MAP2K2: variants seen among roughly 807,000 people sequenced by gnomAD.
The protein encoded by MAP2K2 is mitogen-activated protein kinase kinase 2, also known as dual specificity mitogen-activated protein kinase kinase 2.
Under a neutral mutation model 43.7 loss-of-function variants are expected in MAP2K2, and 24 were observed. That is an observed-to-expected ratio of 0.55 (90% confidence interval 0.40 to 0.77). The LOEUF is 0.77. Among genes scored for constraint, MAP2K2 ranks in the 30% least tolerant of loss-of-function variants. The pLI, the probability that MAP2K2 is intolerant of heterozygous loss-of-function variation, is 0.00. For missense variants in MAP2K2, 470 were observed against 566.8 expected (o/e 0.83, Z 1.73); for synonymous variants, 244 against 239.7 (o/e 1.02, Z -0.17).
rs921053643 is a variant in MAP2K2 at position 4,115,721 on chromosome 19, G to A, written c.303+1698C>T. Among the ~76,000 whole-genome samples, 1 of 152,200 alleles carries A rather than the reference G, an allele frequency of 6.6e-6. No homozygotes were observed. The highest frequency in any genetic ancestry group is 1.9e-4 in the East Asian group (1 of 5,194). ...AGCCGCTGCTCCCGAGGAAGGCAGG[G>A]CCCTCAAGCACTGCTGCCACCTGCG... On this transcript the variant is annotated intron_variant, in intron 2 of 10. Coordinates refer to ENST00000262948, the MANE Select transcript of MAP2K2 (RefSeq NM_030662.4). The surrounding 1 kb of genome is among the most constrained non-coding windows in gnomAD (Gnocchi z 4.1).
chr19:4,105,798 C>G (rs2041078833), intron 3 of MAP2K2, among the ~76,000 whole-genome samples: 1 of 152,072 alleles, frequency 6.6e-6, no homozygotes, highest in Admixed American at 6.6e-5. Flanking sequence ...CTCAGCTTCC[C>G]AAGTAGCTGG....
At chr19:4,109,791 T>A (rs2041131572) in intron 3 of MAP2K2, among the ~76,000 whole-genome samples, 1 of 152,192 alleles carries the variant, frequency 6.6e-6, no homozygotes, top group South Asian at 2.1e-4. Flanking sequence ...GGGATCAGTT[T>A]TTAATTGCAT....
intron 3 of MAP2K2, among the ~76,000 whole-genome samples, chr19:4,103,713 G>A (rs776617649): frequency 3.3e-5 from 5 of 152,260 alleles, no homozygotes; most frequent in Admixed American, 6.5e-5. Context: ...CTTCTGCCCA[G>A]CTAGGCTTGG....
At chr19:4,104,374 C>G (rs948388101) in intron 3 of MAP2K2, among the ~76,000 whole-genome samples, 2 of 150,048 alleles carry the variant, frequency 1.3e-5, no homozygotes, top group African/African-American at 4.9e-5. Context: ...GAGACCATCC[C>G]GAGCCACACA....
intron 1 of MAP2K2, among the ~76,000 whole-genome samples, chr19:4,120,190 G>A (rs2041274545): frequency 6.6e-6 from 1 of 152,248 alleles, no homozygotes; most frequent in Non-Finnish European, 1.5e-5. Flanking sequence ...CAGGGCCCTA[G>A]TAGGTGCTCA....
At chr19:4,100,238 T>G (rs1244746230) in intron 6 of MAP2K2, 1 of 151,898 alleles carries the variant, frequency 6.6e-6, no homozygotes, top group Non-Finnish European at 1.5e-5. Context: ...AGTGTGAGAC[T>G]GTGTCTCAAA....
intron 1 of MAP2K2, among the ~76,000 whole-genome samples, chr19:4,119,094 G>T (rs2041262469): frequency 6.6e-6 from 1 of 152,180 alleles, no homozygotes; most frequent in Admixed American, 6.5e-5. Context: ...GGGTGCAGCG[G>T]CACGATTACA....
At chr19:4,114,494 T>C (rs929293422) in intron 2 of MAP2K2, among the ~76,000 whole-genome samples, 1 of 152,150 alleles carries the variant, frequency 6.6e-6, no homozygotes, top group African/African-American at 2.4e-5. Context: ...TCATCTCTGC[T>C]ATGAGCATGG....
chr19:4,104,393 C>CCA (rs2041057538), intron 3 of MAP2K2, among the ~76,000 whole-genome samples: 1 of 148,900 alleles, frequency 6.7e-6, no homozygotes, highest in Non-Finnish European at 1.5e-5. Context: ...CAGTGAGACC[C>CCA]CATACCAAAA....
chr19:4,098,990 C>T (rs1033507253), intron 7 of MAP2K2, among the ~76,000 whole-genome samples: 1 of 152,246 alleles, frequency 6.6e-6, no homozygotes, highest in African/African-American at 2.4e-5. Context: ...GTGCAGCTGC[C>T]CCGGACAGAA....
Position 4,090,336 on chromosome 19 carries a change from C to G in MAP2K2, c.*262G>C, listed in dbSNP as rs2040842629. ...GATGGCGCGGTTTGCTTTTTCTCTC[C>G]CTGTTTTGTTTTGTAACCTAAGGAA... On this transcript the variant is annotated 3_prime_UTR_variant, in exon 11 of 11. Coordinates refer to ENST00000262948, the MANE Select transcript of MAP2K2 (RefSeq NM_030662.4). 2 of 584,398 alleles carry G rather than the reference C, an allele frequency of 3.4e-6. 1 individual carries two copies. Among genetic ancestry groups the G allele is most frequent in the African/African-American group, 3.7e-5 (2 of 53,634 alleles). 36.2% of individuals were successfully genotyped at this position (584,398 alleles called of 1,614,324 possible). A position where few individuals can be genotyped will look rare whatever the true frequency, so the allele number is the denominator to read the frequency against.
At chr19:4,120,145 C>A (rs60721622) in intron 1 of MAP2K2, among the ~76,000 whole-genome samples, 5,689 of 152,262 alleles carry the variant, frequency 0.037, 356 homozygotes, top group African/African-American at 0.13. Flanking sequence ...GTCAGGACAA[C>A]CCCTGCTCAT....
At chr19:4,123,536 C>CGCCCCGTCCTCCGAGGGCCCCCT (rs1327885857) in intron 1 of MAP2K2, among the ~76,000 whole-genome samples, 7 of 135,678 alleles carry the variant, frequency 5.2e-5, no homozygotes, top group Admixed American at 2.2e-4. Flanking sequence ...GTGCACCCTT[C>CGCCCCGTCCTCCGAGGGCCCCCT]GCCCCGTCCT....
chr19:4,097,765 G>C (rs536275452), intron 7 of MAP2K2, among the ~76,000 whole-genome samples: 1 of 152,276 alleles, frequency 6.6e-6, no homozygotes, highest in Non-Finnish European at 1.5e-5. Flanking sequence ...CACTCAGGAC[G>C]GGAGACTGGC....
At chr19:4,102,595 G>A (rs771313709) in intron 3 of MAP2K2, 142 bp from the exon 4 acceptor site, 51 of 893,812 alleles carry the variant, frequency 5.7e-5, no homozygotes, top group Non-Finnish European at 8.9e-5. Flanking sequence ...CACGGGCCAA[G>A]GGCAGGGCGT....
intron 10 of MAP2K2, among the ~76,000 whole-genome samples, chr19:4,092,025 T>C (rs567013450): frequency 2.0e-5 from 3 of 152,068 alleles, no homozygotes; most frequent in Admixed American, 2.0e-4. Context: ...AGCCTCTTGG[T>C]TGGAAGGGCT....
chr19:4,110,449 T>C lies in MAP2K2; in HGVS notation c.450+60A>G, dbSNP rs2041139037. The C allele has an allele frequency of 1.1e-5, 18 of 1,600,072 alleles. No individual in the cohort carries two copies. In the South Asian group the frequency reaches 1.9e-4, roughly 17 times the overall value. ...AGGGGCCGTGAGGGGGTCTTCCTTC[T>C]CCCCAACATGCTCTGTTCCGTGGAG... On this transcript the variant is annotated intron_variant, in intron 3 of 10. Transcript: ENST00000262948.
At chr19:4,102,963 G>A (rs556253457) in intron 3 of MAP2K2, 111 of 1,103,880 alleles carry the variant, frequency 1.0e-4, no homozygotes, top group Admixed American at 6.9e-4. Context: ...AGGAGGCGGC[G>A]GGTCGCTGTG....
intron 1 of MAP2K2, among the ~76,000 whole-genome samples, chr19:4,122,966 C>T (rs570736013): frequency 1.9e-4 from 29 of 149,362 alleles, no homozygotes; most frequent in African/African-American, 6.4e-4. Flanking sequence ...CTCTGGAGCC[C>T]CCTTGCCCAG....
Sources: gnomAD v4.1 joint callset for allele counts (sites outside exome capture counted in the v4.1 genomes callset) on GRCh38, gnomAD v4.1.1 for gene constraint, Gnocchi (gnomAD v3.1) non-coding constraint, MANE v1.5 for transcripts, NCBI Gene and HGNC (gene_info 2026-07-23, HGNC 2026-07-21) for gene names.